APLF: variants seen among roughly 807,000 people sequenced by gnomAD.
APLF encodes the protein aprataxin and PNKP like factor, also known as aprataxin and PNK-like factor.
A neutral mutation model predicts 55.6 loss-of-function variants in APLF; 61 were observed. That is an observed-to-expected ratio of 1.10 (90% CI 0.89 to 1.36). The LOEUF is 1.36. Ranked by LOEUF, APLF falls within the 40% of genes most tolerant of loss-of-function variation. The pLI is 0.00. For missense variants in APLF, 611 were observed against 602.5 expected (o/e 1.01, Z -0.15); for synonymous variants, 207 against 214.8 (o/e 0.96, Z 0.32).
chr2:68,514,498 C>T (rs919938615), intron 5 of APLF, among the ~76,000 whole-genome samples: 1 of 151,810 alleles, frequency 6.6e-6, no homozygotes, highest in Non-Finnish European at 1.5e-5. Flanking sequence ...TTATGTATGG[C>T]AGCTGCAGTG....
chr2:68,573,491 G>A (rs1671539128), intron 9 of APLF, among the ~76,000 whole-genome samples: 1 of 152,040 alleles, frequency 6.6e-6, no homozygotes, highest in African/African-American at 2.4e-5. Flanking sequence ...TGACCAAAAT[G>A]GTGGAACCCC....
Position 68,510,822 on chromosome 2 carries a change from A to T in APLF, c.342-2258A>T, listed in dbSNP as rs1403767203. The stretch of plus-strand genomic sequence containing the variant: ...ATAAACAAGTATTGTATAGTCATAC[A>T]GTAGAATATTATTTGGCCATAAAGA... On this transcript the variant is annotated intron_variant, in intron 3 of 9. Transcript: ENST00000303795. Among the ~76,000 whole-genome samples, 8 of 151,884 alleles carry T rather than the reference A, an allele frequency of 5.3e-5. No homozygotes were observed. The East Asian group carries it at 5.8e-4, about 11-fold the overall frequency.
chr2:68,549,193 A>G (rs943369976), intron 8 of APLF, among the ~76,000 whole-genome samples: 67 of 151,870 alleles, frequency 4.4e-4, no homozygotes, highest in African/African-American at 1.5e-3. Flanking sequence ...TCCTTGCTAT[A>G]TATTTGTTGA....
rs1675859400 is a variant in APLF, at chr2:68,478,712, C to T, written c.96+10885C>T. On this transcript the variant is annotated intron_variant, in intron 1 of 9. Coordinates refer to ENST00000303795, the MANE Select transcript of APLF (RefSeq NM_173545.3). ...GGTTTTTTAATGTAGATCAAAGTGC[C>T]CTACTCTGGAAAAAAAAAATGCCAC... Among the ~76,000 whole-genome samples, 3 of 151,794 alleles carry T rather than the reference C, an allele frequency of 2.0e-5. 1 individual carries two copies. The highest frequency in any genetic ancestry group is 4.2e-4 in the South Asian group (2 of 4,814).
chr2:68,563,348 C>G (rs1397312836), intron 8 of APLF: 1 of 983,036 alleles, frequency 1.0e-6, no homozygotes, highest in Non-Finnish European at 1.2e-6. Flanking sequence ...AAATGTAACA[C>G]TTCTTTCATA....
chr2:68,498,299 A>C (rs114899970), intron 2 of APLF, among the ~76,000 whole-genome samples: 1,623 of 152,316 alleles, frequency 0.011, 34 homozygotes, highest in African/African-American at 0.037. Context: ...AAATTACATA[A>C]ATGAATATGG....
intron 9 of APLF, among the ~76,000 whole-genome samples, chr2:68,569,829 G>A (rs961675197): frequency 2.0e-5 from 3 of 152,108 alleles, no homozygotes; most frequent in African/African-American, 7.2e-5. Flanking sequence ...AATGAAGTCA[G>A]GATGACTCAG....
At chr2:68,562,595 A>G (rs1199946639) in intron 8 of APLF, among the ~76,000 whole-genome samples, 1 of 152,038 alleles carries the variant, frequency 6.6e-6, no homozygotes, top group Non-Finnish European at 1.5e-5. Flanking sequence ...TTCTGGAGCT[A>G]TTTCCCAGTG....
In APLF at chr2:68,542,647, AAAAC is replaced by A. The variant is rs1670588938; in HGVS notation, c.1161-2537_1161-2534del. Among the ~76,000 whole-genome samples, 3 of 152,308 alleles carry A rather than the reference AAAAC, an allele frequency of 2.0e-5. No individual in the cohort carries two copies. In the South Asian group the frequency reaches 6.2e-4, roughly 32 times the overall value. On this transcript the variant is annotated intron_variant, in intron 7 of 9. Transcript: ENST00000303795. ...GTGGCTGCTTTCAAAAACGAAATGA[AAAAC>A]AAGTAACAATTGTTGATGGGGATGT...
chr2:68,490,250 C>A lies in APLF; in HGVS notation c.157C>A (p.Arg53=). ...AILEVAGGQL[R]IKPIHTNPCF... Reference sequence around the variant, plus strand: ...TCTTGAGGTGGCAGGTGGTCAGCTGCGAATCAAACCGGTAAATATGTTATT... The same window carrying A: ...TCTTGAGGTGGCAGGTGGTCAGCTGAGAATCAAACCGGTAAATATGTTATT... The change falls in exon 2 of 10, where the codon CGA becomes AGA. Residue 53 remains arginine, a synonymous_variant. Coordinates refer to ENST00000303795, the MANE Select transcript of APLF (RefSeq NM_173545.3). The A allele has an allele frequency of 1.2e-6, 2 of 1,611,154 alleles. No individual in the cohort carries two copies. Among genetic ancestry groups the A allele is most frequent in the Non-Finnish European group, 1.7e-6 (2 of 1,179,014 alleles).
intron 8 of APLF, among the ~76,000 whole-genome samples, chr2:68,547,777 C>T (rs1670745938): frequency 6.6e-6 from 1 of 151,570 alleles, no homozygotes; most frequent in Non-Finnish European, 1.5e-5. Flanking sequence ...TACCCAGTCT[C>T]AGGTATGTCT....
intron 1 of APLF, among the ~76,000 whole-genome samples, chr2:68,476,210 A>G (rs1348553071): frequency 6.6e-6 from 1 of 151,920 alleles, no homozygotes; most frequent in African/African-American, 2.4e-5. Context: ...CAATGTAGAA[A>G]ATGTAGGACT....
At chr2:68,565,597 G>A (rs1671287806) in intron 8 of APLF, among the ~76,000 whole-genome samples, 1 of 152,034 alleles carries the variant, frequency 6.6e-6, no homozygotes, top group African/African-American at 2.4e-5. Context: ...ATAGTAGGCA[G>A]TGCTGGAAAC....
chr2:68,524,470 G>C (rs1448306992), intron 5 of APLF, among the ~76,000 whole-genome samples: 1 of 152,150 alleles, frequency 6.6e-6, no homozygotes, highest in Non-Finnish European at 1.5e-5. Flanking sequence ...AGTTTTATTG[G>C]AACATGGCCA....
intron 9 of APLF, chr2:68,568,156 C>A: frequency 2.1e-6 from 1 of 473,002 alleles, no homozygotes; most frequent in Non-Finnish European, 2.8e-6. Flanking sequence ...ATCTGTTTTA[C>A]CTTCTGTTTG....
intron 1 of APLF, among the ~76,000 whole-genome samples, chr2:68,489,780 C>T (rs1378254175): frequency 1.3e-5 from 2 of 152,096 alleles, no homozygotes; most frequent in Admixed American, 6.5e-5. Flanking sequence ...GGGATCTCTT[C>T]CTTTTAAAAC....
At chr2:68,469,390 T>C (rs1056414657) in intron 1 of APLF, among the ~76,000 whole-genome samples, 4 of 152,176 alleles carry the variant, frequency 2.6e-5, no homozygotes, top group African/African-American at 9.6e-5. Context: ...TTGCAGACCG[T>C]TTCATTATTT....
intron 3 of APLF, among the ~76,000 whole-genome samples, chr2:68,503,243 A>AT: frequency 6.6e-6 from 1 of 152,154 alleles, no homozygotes; most frequent in Admixed American, 6.6e-5. Context: ...CCTTTTCCTC[A>AT]TTTTTTTAGC....
At chr2:68,528,601 G>A in intron 6 of APLF, 2 of 1,534,002 alleles carry the variant, frequency 1.3e-6, no homozygotes, top group Admixed American at 2.0e-5. Flanking sequence ...AGCCTGGAGA[G>A]CTGGGCAGGT....
Sources: gnomAD v4.1 joint callset for allele counts (sites outside exome capture counted in the v4.1 genomes callset) on GRCh38, gnomAD v4.1.1 for gene constraint, MANE v1.5 for transcripts, NCBI Gene and HGNC (gene_info 2026-07-23, HGNC 2026-07-21) for gene names.